Variants in KDM4C observed in about 807,000 individuals in gnomAD.
The protein encoded by KDM4C is lysine-specific demethylase 4C.
Under a neutral mutation model 129.3 loss-of-function variants are expected in KDM4C, and 81 were observed. That is an observed-to-expected ratio of 0.63 (90% confidence interval 0.52 to 0.75). The LOEUF (loss-of-function observed/expected upper bound fraction) is 0.75, where lower values mean the gene tolerates loss of function less well. KDM4C is among the 30% of genes least tolerant of loss of function. KDM4C has a pLI of 0.00. For synonymous variants in KDM4C, 573 were observed against 456.1 expected (o/e 1.26, Z -3.26); for missense variants, 1,457 against 1,304.0 (o/e 1.12, Z -1.81).
intron 12 of KDM4C, among the ~76,000 whole-genome samples, chr9:7,000,786 G>A (rs901752458): frequency 6.6e-5 from 10 of 151,986 alleles, no homozygotes; most frequent in Non-Finnish European, 1.2e-4. Flanking sequence ...ATAGACCACC[G>A]AATTAGCACA....
chr9:7,096,017 T>G (rs756050036), intron 17 of KDM4C, among the ~76,000 whole-genome samples: 2 of 152,222 alleles, frequency 1.3e-5, no homozygotes. Flanking sequence ...TAGGAGGCTT[T>G]CTTTCCCCAC....
intron 4 of KDM4C, among the ~76,000 whole-genome samples, chr9:6,842,821 T>C (rs980333329): frequency 6.6e-6 from 1 of 152,192 alleles, no homozygotes; most frequent in Admixed American, 6.5e-5. Flanking sequence ...TATACCTGGC[T>C]GCCTTCACTA....
intron 12 of KDM4C, among the ~76,000 whole-genome samples, chr9:7,003,206 A>G (rs1020310444): frequency 1.3e-5 from 2 of 152,216 alleles, no homozygotes; most frequent in Non-Finnish European, 2.9e-5. Flanking sequence ...TAGCTAGAAT[A>G]CTGGTAAAAG....
At chr9:6,724,337 A>C (rs1043701390) in intron 1 of KDM4C, among the ~76,000 whole-genome samples, 1 of 152,112 alleles carries the variant, frequency 6.6e-6, no homozygotes, top group Admixed American at 6.6e-5. Context: ...TTGGCTTGTT[A>C]GTGAGTGCTT....
intron 19 of KDM4C, among the ~76,000 whole-genome samples, chr9:7,156,324 G>T (rs1309438847): frequency 6.6e-6 from 1 of 152,160 alleles, no homozygotes; most frequent in Admixed American, 6.6e-5. Flanking sequence ...TCTAATGGTA[G>T]TTTCTTTTGC....
intron 8 of KDM4C, among the ~76,000 whole-genome samples, chr9:6,963,154 A>G (rs1830310685): frequency 6.6e-6 from 1 of 152,350 alleles, no homozygotes; most frequent in South Asian, 2.1e-4. Flanking sequence ...TGTTAAATGC[A>G]GTGTACTTAG....
chr9:7,174,693 G>T lies in KDM4C; in HGVS notation c.3135G>T (p.Lys1045Asn). ...ACCCTGTATACCGCACTTTTTTGAA[G>T]AGCTCTTTCCAGAAGAAGTGCCAGA... The part of the protein sequence containing the change: ...VADPVYRTFL[K>N]SSFQKKCQKR... The change falls in exon 22 of 22, where the codon AAG becomes AAT. Residue 1045 changes from lysine (K) to asparagine (N), a missense_variant. Transcript: ENST00000381309. The T allele has an allele frequency of 6.2e-7, 1 of 1,614,142 alleles. No homozygotes were observed. The highest frequency in any genetic ancestry group is 1.6e-4 in the Middle Eastern group (1 of 6,062).
chr9:6,794,677 T>C (rs1293388487), intron 2 of KDM4C, among the ~76,000 whole-genome samples: 2 of 152,308 alleles, frequency 1.3e-5, no homozygotes, highest in East Asian at 3.9e-4. Context: ...GGAGAAGTTG[T>C]CTTTGGTCTG....
intron 8 of KDM4C, among the ~76,000 whole-genome samples, chr9:6,948,458 A>AT (rs568217316): frequency 0.12 from 14,384 of 117,034 alleles, 2,286 homozygotes; most frequent in African/African-American, 0.38. Context: ...CACTTTCCTC[A>AT]TTTTTTTTTT....
intron 8 of KDM4C, among the ~76,000 whole-genome samples, chr9:6,916,276 G>A (rs781371353): frequency 1.4e-4 from 22 of 151,982 alleles, no homozygotes; most frequent in Non-Finnish European, 2.4e-4. Context: ...GAGCCTATGA[G>A]CATTTTAAAG....
chr9:6,839,808 C>T (rs1308052839), intron 4 of KDM4C, among the ~76,000 whole-genome samples: 2 of 151,882 alleles, frequency 1.3e-5, no homozygotes, highest in African/African-American at 4.8e-5. Context: ...AGACTGAGGT[C>T]AGGAGAATCG....
At chr9:7,049,892 G>A (rs958568260) in intron 17 of KDM4C, among the ~76,000 whole-genome samples, 3 of 152,044 alleles carry the variant, frequency 2.0e-5, no homozygotes, top group African/African-American at 7.2e-5. Context: ...TTTCCCCAAA[G>A]TTCAACTGCA....
chr9:6,992,764 T>G (rs1475941427), intron 12 of KDM4C, among the ~76,000 whole-genome samples: 2 of 152,248 alleles, frequency 1.3e-5, no homozygotes, highest in Non-Finnish European at 2.9e-5. Flanking sequence ...GTCCTAACTA[T>G]TCTGCTCCTT....
At chr9:6,816,484 T>C (rs1029135834) in intron 4 of KDM4C, among the ~76,000 whole-genome samples, 2 of 152,232 alleles carry the variant, frequency 1.3e-5, no homozygotes, top group African/African-American at 4.8e-5. Context: ...TACAGCTCAG[T>C]GTGGCCTGTT....
chr9:6,879,892 C>T, intron 5 of KDM4C, 120 bp from the exon 6 acceptor site: 1 of 509,346 alleles, frequency 2.0e-6, no homozygotes, highest in Non-Finnish European at 3.5e-6. Context: ...CTACTCAGTT[C>T]ATCTAAGTGG....
chr9:6,807,038 G>A (rs1830117923), intron 3 of KDM4C, among the ~76,000 whole-genome samples: 1 of 152,102 alleles, frequency 6.6e-6, no homozygotes, highest in South Asian at 2.1e-4. Flanking sequence ...GCCTGCGATT[G>A]CAGGCACGCG....
intron 3 of KDM4C, among the ~76,000 whole-genome samples, chr9:6,813,503 T>C (rs911054878): frequency 2.0e-5 from 3 of 152,244 alleles, no homozygotes; most frequent in African/African-American, 7.2e-5. Flanking sequence ...GTCCCCAGTA[T>C]AGTGAGTGTA....
intron 19 of KDM4C, among the ~76,000 whole-genome samples, chr9:7,143,902 G>A (rs1198915542): frequency 6.6e-6 from 1 of 152,100 alleles, no homozygotes; most frequent in Non-Finnish European, 1.5e-5. Context: ...GAGCATGATT[G>A]GTTAACTTTA....
chr9:6,858,841 T>C (rs1476305925), intron 5 of KDM4C, among the ~76,000 whole-genome samples: 2 of 152,112 alleles, frequency 1.3e-5, no homozygotes, highest in Admixed American at 1.3e-4. Flanking sequence ...TATCATTTTT[T>C]TGGTATCTCT....
Sources: allele counts gnomAD v4.1 joint callset (sites outside exome capture counted in the v4.1 genomes callset), GRCh38; gene constraint gnomAD v4.1.1; transcripts MANE v1.5; gene names NCBI Gene and HGNC (gene_info 2026-07-23, HGNC 2026-07-21).